Variants in SLC25A27 observed in about 807,000 individuals in gnomAD.
SLC25A27 encodes the protein mitochondrial uncoupling protein 4.
In SLC25A27, 35 loss-of-function variants were observed where a neutral mutation model predicts 49.1. The ratio of observed to expected loss-of-function variants is 0.71; its 90% confidence interval spans 0.54 to 0.95. The LOEUF (loss-of-function observed/expected upper bound fraction) is 0.95, where lower values mean the gene tolerates loss of function less well. Among genes scored for constraint, SLC25A27 ranks in the 40% least tolerant of loss-of-function variants. The pLI is 0.00. For missense variants in SLC25A27, 339 were observed against 397.1 expected (o/e 0.85, Z 1.24); for synonymous variants, 144 against 136.9 (o/e 1.05, Z -0.36).
chr6:46,662,603 C>T (rs1472048051), intron 4 of SLC25A27, 105 bp downstream of exon 4: 1 of 1,234,602 alleles, frequency 8.1e-7, no homozygotes, highest in Non-Finnish European at 1.1e-6. Flanking sequence ...AAAGATATTA[C>T]TTCTGACTTT....
chr6:46,669,185 C>T (rs888220956), intron 6 of SLC25A27, among the ~76,000 whole-genome samples: 5 of 152,036 alleles, frequency 3.3e-5, no homozygotes, highest in African/African-American at 9.7e-5. Context: ...ACCAGGAAAA[C>T]AAGACAAATA....
intron 4 of SLC25A27, 55 bp downstream of exon 4, chr6:46,662,553 T>A: frequency 1.9e-6 from 3 of 1,571,354 alleles, no homozygotes; most frequent in Middle Eastern, 1.7e-4. Context: ...CCGTCATATT[T>A]TTAACAAGTA....
At chr6:46,653,340 C>T (rs971501316) in intron 1 of SLC25A27, 42 bp downstream of exon 1, 5 of 1,578,658 alleles carry the variant, frequency 3.2e-6, no homozygotes, top group Non-Finnish European at 3.4e-6. Context: ...GCCAGTGGCA[C>T]GCGCCGCGCT....
At chr6:46,653,355 G>T (rs982038113) in intron 1 of SLC25A27, 57 bp downstream of exon 1, 29 of 1,542,220 alleles carry the variant, frequency 1.9e-5, no homozygotes, top group Non-Finnish European at 2.4e-5. Flanking sequence ...CGCGCTGGGG[G>T]AGGGTGCGCG....
intron 3 of SLC25A27, among the ~76,000 whole-genome samples, chr6:46,660,330 T>C (rs6904373): frequency 0.85 from 128,456 of 151,866 alleles, 54,637 homozygotes; most frequent in African/African-American, 0.93. Context: ...GAAATATACA[T>C]GTTCATTAAA....
rs780729460 is a variant in SLC25A27 at position 46,671,195 on chromosome 6, A to C, written c.867A>C (p.Leu289=). The C allele has an allele frequency of 6.3e-7, 1 of 1,594,184 alleles. No homozygotes were observed. The highest frequency in any genetic ancestry group is 8.5e-7 in the Non-Finnish European group (1 of 1,172,480). The change falls in exon 8 of 9, where the codon CTA becomes CTC. Residue 289 remains leucine, a synonymous_variant. Transcript: ENST00000371347. ...QAVQGEGFMS[L]YKGFLPSWLR... ...TTCAAGGTGAAGGATTCATGAGTCT[A>C]TATAAAGGCTTTTTACCATCTTGGC...
intron 8 of SLC25A27, among the ~76,000 whole-genome samples, chr6:46,672,422 C>T (rs1346495907): frequency 6.6e-6 from 1 of 151,964 alleles, no homozygotes; most frequent in Non-Finnish European, 1.5e-5. Flanking sequence ...TTTGTTCTGC[C>T]TGTCGTGTGG....
intron 8 of SLC25A27, among the ~76,000 whole-genome samples, chr6:46,674,882 G>A (rs1763707747): frequency 6.6e-6 from 1 of 152,154 alleles, no homozygotes; most frequent in Non-Finnish European, 1.5e-5. Flanking sequence ...CAACTCCACA[G>A]TAGCAGGCAT....
chr6:46,668,858 A>G, intron 6 of SLC25A27, 65 bp downstream of exon 6: 1 of 945,306 alleles, frequency 1.1e-6, no homozygotes, highest in South Asian at 1.4e-5. Flanking sequence ...CATATTTGAC[A>G]TAAATTCTTT....
intron 8 of SLC25A27, 151 bp from the exon 9 acceptor site, chr6:46,676,232 A>G: frequency 8.3e-6 from 5 of 600,828 alleles, no homozygotes. Flanking sequence ...TGTAAATTAT[A>G]AAGTCCTTTA....
At chr6:46,663,714 T>C (rs975280087) in intron 4 of SLC25A27, among the ~76,000 whole-genome samples, 1 of 103,774 alleles carries the variant, frequency 9.6e-6, no homozygotes, top group Admixed American at 1.1e-4. Flanking sequence ...AAACTCTTTA[T>C]ATTAACCTGT....
rs1021573623 is a variant in SLC25A27 at position 46,656,007 on chromosome 6, G to C, written c.271G>C (p.Val91Leu). 1 of 1,610,892 alleles carries C rather than the reference G, an allele frequency of 6.2e-7. No individual in the cohort carries two copies. The change falls in exon 2 of 9, where the codon GTG becomes CTG. Residue 91 changes from valine (V) to leucine (L), a missense_variant. Val to Leu is a conservative substitution (Grantham distance 32). Coordinates refer to ENST00000371347, the MANE Select transcript of SLC25A27 (RefSeq NM_004277.5). ...EEGFLKLWQG[V>L]TPAIYRHVVY... ...AGGCTTTCTAAAGCTTTGGCAAGGA[G>C]TGACACCCGCCATTTACAGACACGT...
chr6:46,658,813 C>A, intron 2 of SLC25A27, 149 bp from the exon 3 acceptor site: 2 of 661,966 alleles, frequency 3.0e-6, no homozygotes, highest in South Asian at 1.8e-5. Flanking sequence ...ATCAAGAAGC[C>A]CACGTGTTAG....
chr6:46,655,467 T>C (rs1047962956), intron 1 of SLC25A27, among the ~76,000 whole-genome samples: 3 of 148,852 alleles, frequency 2.0e-5, no homozygotes, highest in African/African-American at 4.9e-5. Flanking sequence ...GACTAACAGA[T>C]ATTAAAGTTA....
Position 46,655,859 on chromosome 6 carries a change from T to G in SLC25A27, c.123T>G (p.Asp41Glu). ...TVAELATFPL[D>E]LTKTRLQMQG... is the part of the protein sequence containing the mutation. Reference sequence around the variant, plus strand: ...TTTTGTTAGCAACCTTTCCCCTGGATCTCACAAAAACTCGACTCCAAATGC... The same window carrying G: ...TTTTGTTAGCAACCTTTCCCCTGGAGCTCACAAAAACTCGACTCCAAATGC... Residue 41 changes from aspartate (D) to glutamate (E), a missense_variant, in exon 2 of 9, where the codon GAT (aspartate) becomes GAG (glutamate). Physicochemically the swap from Asp to Glu is conservative, Grantham distance 45. Transcript: ENST00000371347. 2 of 1,613,158 alleles carry G rather than the reference T, an allele frequency of 1.2e-6. No individual in the cohort carries two copies. Among genetic ancestry groups the G allele is most frequent in the Non-Finnish European group, 1.7e-6 (2 of 1,179,692 alleles).
chr6:46,662,101 AT>A (rs1179388239), intron 3 of SLC25A27, among the ~76,000 whole-genome samples: 1 of 152,142 alleles, frequency 6.6e-6, no homozygotes, highest in African/African-American at 2.4e-5. Flanking sequence ...CTACAATTAA[AT>A]TATCAATTCA....
At chr6:46,666,652 A>G (rs1033700517) in intron 5 of SLC25A27, among the ~76,000 whole-genome samples, 1 of 152,064 alleles carries the variant, frequency 6.6e-6, no homozygotes, top group South Asian at 2.1e-4. Context: ...AGTTCCAGCT[A>G]TTTACTCAGT....
intron 8 of SLC25A27, among the ~76,000 whole-genome samples, chr6:46,672,362 G>T (rs1763586785): frequency 6.6e-6 from 1 of 152,042 alleles, no homozygotes; most frequent in Admixed American, 6.6e-5. Flanking sequence ...GACCATATGA[G>T]CCAGAAGAGT....
chr6:46,675,740 C>T (rs9296507), intron 8 of SLC25A27, among the ~76,000 whole-genome samples: 8,469 of 152,176 alleles, frequency 0.056, 658 homozygotes, highest in African/African-American at 0.18. Context: ...CATTTATGTC[C>T]TCTTCTAACC....
Sources: gnomAD v4.1 joint callset for allele counts (sites outside exome capture counted in the v4.1 genomes callset) on GRCh38, gnomAD v4.1.1 for gene constraint, MANE v1.5 for transcripts, NCBI Gene and HGNC (gene_info 2026-07-23, HGNC 2026-07-21) for gene names.